The following HEPACAM2 variants were observed in gnomAD, a reference collection of about 807,000 sequenced individuals.
HEPACAM2 encodes mitotic kinetics regulator.
A neutral mutation model predicts 49.6 loss-of-function variants in HEPACAM2; 49 were observed. The observed-to-expected ratio is 0.99, with a 90% CI of 0.78 to 1.25. The LOEUF (loss-of-function observed/expected upper bound fraction) is 1.25, where lower values mean the gene tolerates loss of function less well. HEPACAM2 is among the 50% of genes most tolerant of loss of function. HEPACAM2 has a pLI of 0.00. For synonymous variants in HEPACAM2, 197 were observed against 202.9 expected, an observed-to-expected ratio of 0.97 and a Z score of 0.25; for missense variants, 525 against 557.2, an observed-to-expected ratio of 0.94 and a Z score of 0.58.
intron 4 of HEPACAM2, among the ~76,000 whole-genome samples, chr7:93,207,417 T>A (rs1247961371): frequency 6.7e-6 from 1 of 150,082 alleles, no homozygotes; most frequent in African/African-American, 2.5e-5. Flanking sequence ...GTAGAAGTAG[T>A]CATAGAAGAG....
chr7:93,213,786 T>G (rs1053246213), intron 3 of HEPACAM2, among the ~76,000 whole-genome samples: 2 of 151,968 alleles, frequency 1.3e-5, no homozygotes, highest in African/African-American at 4.8e-5. Context: ...AATGAACCTG[T>G]TAGTGACACT....
intron 3 of HEPACAM2, among the ~76,000 whole-genome samples, chr7:93,214,540 T>C (rs1794255696): frequency 6.6e-6 from 1 of 152,172 alleles, no homozygotes; most frequent in Non-Finnish European, 1.5e-5. Flanking sequence ...GTTCAGTCTG[T>C]CAGCAAAAGA....
intron 8 of HEPACAM2, among the ~76,000 whole-genome samples, chr7:93,194,746 C>A (rs963989694): frequency 1.3e-5 from 2 of 151,914 alleles, no homozygotes; most frequent in Non-Finnish European, 2.9e-5. Context: ...AATGAGAATG[C>A]CTGGAAGCAA....
At chr7:93,217,589 C>T (rs1794334737) in intron 2 of HEPACAM2, among the ~76,000 whole-genome samples, 1 of 152,154 alleles carries the variant, frequency 6.6e-6, no homozygotes, top group African/African-American at 2.4e-5. Flanking sequence ...CTTTACTCCT[C>T]TGAAGCCTCC....
chr7:93,218,984 T>G, intron 2 of HEPACAM2, 117 bp downstream of exon 2: 1 of 759,328 alleles, frequency 1.3e-6, no homozygotes, highest in Non-Finnish European at 2.2e-6. Flanking sequence ...CTTTGAGGAT[T>G]AATTGATTTG....
At chr7:93,203,154 T>C (rs558596358) in intron 4 of HEPACAM2, among the ~76,000 whole-genome samples, 254 of 152,194 alleles carry the variant, frequency 1.7e-3, no homozygotes, top group African/African-American at 5.8e-3. Context: ...GTCTTCCCAA[T>C]GGAGAATGAG....
At chr7:93,194,921 C>CTTT (rs80158728) in intron 8 of HEPACAM2, among the ~76,000 whole-genome samples, 7 of 118,170 alleles carry the variant, frequency 5.9e-5, no homozygotes, top group African/African-American at 2.0e-4. Flanking sequence ...TTTAAAAGAT[C>CTTT]TTTTTTTTTT....
chr7:93,201,301 G>A (rs550697827), intron 4 of HEPACAM2, among the ~76,000 whole-genome samples: 13 of 152,010 alleles, frequency 8.6e-5, no homozygotes, highest in African/African-American at 1.4e-4. Flanking sequence ...AATATTTAGC[G>A]CACTAAGACC....
intron 8 of HEPACAM2, among the ~76,000 whole-genome samples, chr7:93,194,660 C>T (rs1443299055): frequency 6.6e-6 from 1 of 151,994 alleles, no homozygotes; most frequent in East Asian, 1.9e-4. Context: ...CTAGATGAAC[C>T]TTATACACTG....
intron 8 of HEPACAM2, 91 bp downstream of exon 8, chr7:93,195,737 C>T (rs1793696296): frequency 2.2e-6 from 2 of 929,006 alleles, no homozygotes; most frequent in African/African-American, 1.7e-5. Flanking sequence ...AGCCATTTGA[C>T]CACACTGCCC....
intron 1 of HEPACAM2, among the ~76,000 whole-genome samples, chr7:93,224,867 AT>A (rs1310039908): frequency 6.6e-6 from 1 of 152,216 alleles, no homozygotes; most frequent in East Asian, 1.9e-4. Context: ...CAAACTGTAC[AT>A]TTTAGGCTTC....
At chr7:93,197,644 A>T in intron 4 of HEPACAM2, 34 bp from the exon 5 acceptor site, 1 of 1,501,768 alleles carries the variant, frequency 6.7e-7, no homozygotes, top group Non-Finnish European at 9.0e-7. Flanking sequence ...TTTAGCAATA[A>T]ATTGCTACAG....
In HEPACAM2 at chr7:93,195,714, T is replaced by C; in HGVS notation, c.1275+114A>G. 3.9e-6 allele frequency: 3 copies of C among 768,584 alleles called. No homozygotes were observed. The Admixed American group carries it at 6.4e-5, about 16-fold the overall frequency. The allele number at this position is 768,584 out of a possible 1,614,324, so 47.6% of individuals were successfully genotyped here. On this transcript the variant is annotated intron_variant, in intron 8 of 9. Transcript: ENST00000394468. ...AGTAAGTCAACACTGCTTAATGCAG[T>C]AATGGGTAATGCAGCCATTTGACCA...
At chr7:93,199,621 T>TACTC (rs1340926828) in intron 4 of HEPACAM2, among the ~76,000 whole-genome samples, 1 of 152,090 alleles carries the variant, frequency 6.6e-6, no homozygotes, top group Admixed American at 6.6e-5. Flanking sequence ...CTTGCTCTGA[T>TACTC]ACTCTATGAC....
intron 4 of HEPACAM2, among the ~76,000 whole-genome samples, chr7:93,208,038 G>C (rs1255123242): frequency 6.6e-6 from 1 of 151,992 alleles, no homozygotes; most frequent in East Asian, 1.9e-4. Flanking sequence ...ATGATTTCTA[G>C]AGAAAGCCAA....
chr7:93,216,547 T>C lies in HEPACAM2; in HGVS notation c.431-862A>G, dbSNP rs556121759. Among the ~76,000 whole-genome samples the C allele has an allele frequency of 4.6e-5, 7 of 152,334 alleles. No homozygotes were observed. In the South Asian group the frequency reaches 1.2e-3, roughly 27 times the overall value. On this transcript the variant is annotated intron_variant, in intron 2 of 9. Transcript: ENST00000394468. ...TTTTAACTGTAAAGTTGATGGATTATATAAGCATGGTAGAATTATATAAGA... is the reference window on the plus strand; with the variant it reads ...TTTTAACTGTAAAGTTGATGGATTACATAAGCATGGTAGAATTATATAAGA...
At chr7:93,212,733 T>C (rs1369628233) in intron 3 of HEPACAM2, among the ~76,000 whole-genome samples, 2 of 152,066 alleles carry the variant, frequency 1.3e-5, no homozygotes, top group Non-Finnish European at 2.9e-5. Context: ...CTTCTGACTC[T>C]ACTATGATGT....
At chr7:93,216,748 A>G (rs1048349602) in intron 2 of HEPACAM2, among the ~76,000 whole-genome samples, 1 of 152,198 alleles carries the variant, frequency 6.6e-6, no homozygotes, top group Non-Finnish European at 1.5e-5. Flanking sequence ...ATCTCCTTCT[A>G]TGTATGACTA....
In HEPACAM2 at chr7:93,196,553, G is replaced by A. The variant is rs143869625; in HGVS notation, c.1202-652C>T. The stretch of plus-strand genomic sequence containing the variant: ...ATTACACATCCAGGCATCATATCAG[G>A]CACTCCACCTATATCATTTTATTTA... On this transcript the variant is annotated intron_variant, in intron 7 of 9. Coordinates refer to ENST00000394468, the MANE Select transcript of HEPACAM2 (RefSeq NM_001039372.4). Among the ~76,000 whole-genome samples the A allele has an allele frequency of 5.9e-5, 9 of 152,138 alleles. 1 individual carries two copies. Among genetic ancestry groups the A allele is most frequent in the Admixed American group, 2.0e-4 (3 of 15,250 alleles).
Sources: allele counts gnomAD v4.1 joint callset (sites outside exome capture counted in the v4.1 genomes callset), GRCh38; gene constraint gnomAD v4.1.1; transcripts MANE v1.5; gene names NCBI Gene and HGNC (gene_info 2026-07-23, HGNC 2026-07-21).